Variants in CCSER1 observed in about 807,000 individuals in gnomAD.
CCSER1 encodes serine-rich coiled-coil domain-containing protein 1.
Under a neutral mutation model 82.0 loss-of-function variants are expected in CCSER1, and 41 were observed. The observed-to-expected ratio is 0.50, with a 90% CI of 0.39 to 0.65. The LOEUF (loss-of-function observed/expected upper bound fraction) is 0.65. Among genes scored for constraint, CCSER1 ranks in the 30% least tolerant of loss-of-function variants. The pLI is 0.00. For missense variants in CCSER1, 1,119 were observed against 1,064.2 expected, an observed-to-expected ratio of 1.05 and a Z score of -0.72; for synonymous variants, 414 against 383.9, an observed-to-expected ratio of 1.08 and a Z score of -0.92.
At chr4:91,127,147 C>A (rs1727590913) in intron 10 of CCSER1, among the ~76,000 whole-genome samples, 1 of 151,984 alleles carries the variant, frequency 6.6e-6, no homozygotes, top group Non-Finnish European at 1.5e-5. Context: ...GGCCAAAGAG[C>A]TCTGTGCTTT....
intron 8 of CCSER1, among the ~76,000 whole-genome samples, chr4:90,824,633 T>C (rs562063743): frequency 2.0e-5 from 3 of 152,220 alleles, no homozygotes; most frequent in African/African-American, 7.2e-5. Flanking sequence ...TGCATGAAAA[T>C]CATATCATGA....
At chr4:90,665,303 T>C in intron 6 of CCSER1, among the ~76,000 whole-genome samples, 1 of 151,306 alleles carries the variant, frequency 6.6e-6, no homozygotes, top group Admixed American at 6.6e-5. Flanking sequence ...TTCTAAGGAC[T>C]GAAACATATG....
intron 3 of CCSER1, among the ~76,000 whole-genome samples, chr4:90,341,891 C>T (rs1741440905): frequency 6.6e-6 from 1 of 152,054 alleles, no homozygotes; most frequent in Admixed American, 6.6e-5. Context: ...AGAATGTTTA[C>T]CTTATATGCA....
chr4:91,456,494 G>T (rs895423616), intron 10 of CCSER1, among the ~76,000 whole-genome samples: 2 of 152,040 alleles, frequency 1.3e-5, no homozygotes, highest in African/African-American at 4.8e-5. Context: ...TTTCTTAAAT[G>T]CTTGTTATGC....
chr4:91,052,901 A>C (rs1022950327), intron 9 of CCSER1, among the ~76,000 whole-genome samples: 11 of 152,136 alleles, frequency 7.2e-5, no homozygotes, highest in African/African-American at 2.7e-4. Context: ...ATGAAGCTTA[A>C]TAAGATAAGA....
intron 1 of CCSER1, among the ~76,000 whole-genome samples, chr4:90,152,264 A>T (rs1485499715): frequency 6.6e-6 from 1 of 152,160 alleles, no homozygotes; most frequent in Non-Finnish European, 1.5e-5. Flanking sequence ...TGTGCACCAC[A>T]ATCTCCAGAA....
intron 3 of CCSER1, among the ~76,000 whole-genome samples, chr4:90,347,351 A>ATCTG: frequency 6.6e-6 from 1 of 151,764 alleles, no homozygotes; most frequent in South Asian, 2.1e-4. Flanking sequence ...CTATCTATCT[A>ATCTG]TATACTTTAT....
rs1019628570 is a variant in CCSER1 at position 91,380,571 on chromosome 4, C to T, written c.2218-218001C>T. Among the ~76,000 whole-genome samples, 6 of 152,120 alleles carry T rather than the reference C, an allele frequency of 3.9e-5. No individual in the cohort carries two copies. The East Asian group carries it at 1.2e-3, about 29-fold the overall frequency. On this transcript the variant is annotated intron_variant, in intron 10 of 10. Transcript: ENST00000509176. ...TTTATCAGAGACTAGGATTGCAACC[C>T]TGCCTTTTTTTGTTTTCCGTTTGCT... is the stretch of plus-strand genomic sequence containing the variant.
At chr4:91,103,947 G>C (rs1177219917) in intron 10 of CCSER1, among the ~76,000 whole-genome samples, 1 of 152,042 alleles carries the variant, frequency 6.6e-6, no homozygotes, top group African/African-American at 2.4e-5. Context: ...TTCCTAGCAA[G>C]GAATATTAAT....
At chr4:90,244,920 C>G (rs1721153623) in intron 1 of CCSER1, among the ~76,000 whole-genome samples, 1 of 152,106 alleles carries the variant, frequency 6.6e-6, no homozygotes, top group South Asian at 2.1e-4. Context: ...AGTCACACGA[C>G]CTTGGTTTGA....
intron 9 of CCSER1, among the ~76,000 whole-genome samples, chr4:91,083,296 CA>C (rs1289541326): frequency 6.6e-6 from 1 of 151,996 alleles, no homozygotes; most frequent in East Asian, 1.9e-4. Context: ...TCCTTCTGAG[CA>C]AACTATGGCA....
At chr4:91,344,352 T>G (rs1450654820) in intron 10 of CCSER1, among the ~76,000 whole-genome samples, 1 of 152,186 alleles carries the variant, frequency 6.6e-6, no homozygotes, top group African/African-American at 2.4e-5. Flanking sequence ...TTTTGTTACA[T>G]CAGCCCCAAT....
intron 4 of CCSER1, among the ~76,000 whole-genome samples, chr4:90,433,907 G>A (rs1386399373): frequency 2.6e-5 from 4 of 151,534 alleles, no homozygotes; most frequent in African/African-American, 7.3e-5. Context: ...AAGACAAGAG[G>A]TTTAAATAAA....
intron 4 of CCSER1, among the ~76,000 whole-genome samples, chr4:90,465,023 G>A (rs779702024): frequency 6.6e-6 from 1 of 152,212 alleles, no homozygotes; most frequent in Non-Finnish European, 1.5e-5. Flanking sequence ...GAGTGCAGTG[G>A]TGTGATCTCG....
intron 3 of CCSER1, among the ~76,000 whole-genome samples, chr4:90,323,768 A>G (rs1249411227): frequency 2.0e-5 from 3 of 152,198 alleles, no homozygotes; most frequent in Middle Eastern, 3.4e-3. Flanking sequence ...TGCTGCACCC[A>G]CTAACTCGTC....
At chr4:91,350,745 T>G (rs1184454328) in intron 10 of CCSER1, among the ~76,000 whole-genome samples, 2 of 152,040 alleles carry the variant, frequency 1.3e-5, no homozygotes, top group Non-Finnish European at 2.9e-5. Flanking sequence ...TATTAATAAA[T>G]GTATAATTTT....
intron 4 of CCSER1, among the ~76,000 whole-genome samples, chr4:90,426,037 A>C (rs917763654): frequency 6.6e-6 from 1 of 152,150 alleles, no homozygotes; most frequent in Non-Finnish European, 1.5e-5. Flanking sequence ...GTGGGTATTG[A>C]TAAAGTGGCA....
chr4:90,391,643 G>T (rs949460785), intron 3 of CCSER1, among the ~76,000 whole-genome samples: 2 of 150,666 alleles, frequency 1.3e-5, no homozygotes, highest in Admixed American at 1.3e-4. Context: ...TTACAAATGG[G>T]TAATGAGTAG....
chr4:90,151,020 A>G (rs190872880), intron 1 of CCSER1, among the ~76,000 whole-genome samples: 1 of 152,222 alleles, frequency 6.6e-6, no homozygotes, highest in Admixed American at 6.5e-5. Context: ...AGGTTCCACA[A>G]CCCTGCTCTG....
Sources: allele counts gnomAD v4.1 joint callset (sites outside exome capture counted in the v4.1 genomes callset), GRCh38; gene constraint gnomAD v4.1.1; transcripts MANE v1.5; gene names NCBI Gene and HGNC (gene_info 2026-07-23, HGNC 2026-07-21).